Variants in VAPB observed in about 807,000 individuals in gnomAD.
The protein encoded by VAPB is VAMP associated protein B and C.
Under a neutral mutation model 25.6 loss-of-function variants are expected in VAPB, and 7 were observed. That is an observed-to-expected ratio of 0.27 (90% CI 0.16 to 0.51). The LOEUF (loss-of-function observed/expected upper bound fraction) is 0.51. Ranked by LOEUF, VAPB falls within the 20% of genes least tolerant of loss-of-function variation. The pLI is 0.97. For synonymous variants in VAPB, 112 were observed against 109.2 expected (o/e 1.03, Z -0.16); for missense variants, 266 against 301.3 (o/e 0.88, Z 0.87).
In VAPB at chr20:58,450,982, A is replaced by G. The variant is rs1479991410; in HGVS notation, c.*6747A>G. On this transcript the variant is annotated 3_prime_UTR_variant, in exon 6 of 6. Transcript: ENST00000475243. ...GGTCCAGACCAAAAGAGCCATTTAC[A>G]GCATGTTCTCCCATGTTCCATTATC... 2 of 454,008 alleles carry G rather than the reference A, an allele frequency of 4.4e-6. No individual in the cohort carries two copies. The highest frequency in any genetic ancestry group is 1.4e-4 in the East Asian group (2 of 14,414). The allele number at this position is 454,008 out of a possible 1,614,324, so 28.1% of individuals were successfully genotyped here. A position where few individuals can be genotyped will look rare whatever the true frequency, so the allele number is the denominator to read the frequency against.
chr20:58,415,307 T>A (rs1306624260), intron 1 of VAPB, among the ~76,000 whole-genome samples: 1 of 152,254 alleles, frequency 6.6e-6, no homozygotes, highest in African/African-American at 2.4e-5. Flanking sequence ...TTCAGTTCAT[T>A]AGTGCTGTTT....
chr20:58,441,669 A>C (rs1160213315), intron 5 of VAPB, among the ~76,000 whole-genome samples: 1 of 152,242 alleles, frequency 6.6e-6, no homozygotes, highest in Non-Finnish European at 1.5e-5. Flanking sequence ...AACCCCAAAC[A>C]ACTCAAACTC....
chr20:58,419,494 A>G (rs188464024), intron 2 of VAPB, among the ~76,000 whole-genome samples: 5 of 152,320 alleles, frequency 3.3e-5, no homozygotes, highest in Admixed American at 1.3e-4. Context: ...CTGGACCTGC[A>G]CATGTACTAT....
chr20:58,426,954 A>AGTGATCT (rs1008534200), intron 2 of VAPB, among the ~76,000 whole-genome samples: 1 of 152,218 alleles, frequency 6.6e-6, no homozygotes, highest in African/African-American at 2.4e-5. Context: ...TGCAGACGAA[A>AGTGATCT]GTGATCTGTG....
intron 1 of VAPB, among the ~76,000 whole-genome samples, chr20:58,407,799 T>C (rs1419427589): frequency 6.6e-6 from 1 of 152,220 alleles, no homozygotes; most frequent in East Asian, 1.9e-4. Flanking sequence ...ACAGATCTAG[T>C]TCATTCTTTT....
chr20:58,403,244 T>A (rs1197233989), intron 1 of VAPB, among the ~76,000 whole-genome samples: 2 of 152,214 alleles, frequency 1.3e-5, no homozygotes, highest in Non-Finnish European at 1.5e-5. Context: ...GGACTACCTC[T>A]TAGGTGTGTG....
At position 58,397,956 on chromosome 20, in the gene VAPB, G is replaced by A. The variant is rs548643362; in HGVS notation, c.58+8439G>A. Among the ~76,000 whole-genome samples, 17 of 152,292 alleles carry A rather than the reference G, an allele frequency of 1.1e-4. No individual in the cohort carries two copies. In the South Asian group the frequency reaches 3.1e-3, roughly 28 times the overall value. On this transcript the variant is annotated intron_variant, in intron 1 of 5. Coordinates refer to ENST00000475243, the MANE Select transcript of VAPB (RefSeq NM_004738.5). ...CAGGCATACGAATTGGATCAGAAAGGATTTAGAGACATGCATGGATATAAT... is the reference window on the plus strand; with the variant it reads ...CAGGCATACGAATTGGATCAGAAAGAATTTAGAGACATGCATGGATATAAT...
rs74182771 is a variant in VAPB at position 58,389,633 on chromosome 20, C to CG, written c.58+122dup. The CG allele has an allele frequency of 1.7e-5, 19 of 1,143,968 alleles. No homozygotes were observed. In the African/African-American group the frequency reaches 2.3e-4, roughly 14 times the overall value. 70.9% of individuals were successfully genotyped at this position (1,143,968 alleles called of 1,614,324 possible). A position where few individuals can be genotyped will look rare whatever the true frequency, so the allele number is the denominator to read the frequency against. On this transcript the variant is annotated intron_variant, in intron 1 of 5. Transcript: ENST00000475243. ...CGTCCCCACCCCGACGGCGCTGTCG[C>CG]GGGGGGCGGCGAGGCCGGGCCGGGC... is the stretch of plus-strand genomic sequence containing the variant.
At chr20:58,442,293 G>A (rs1479437130) in intron 5 of VAPB, among the ~76,000 whole-genome samples, 11 of 152,202 alleles carry the variant, frequency 7.2e-5, no homozygotes, top group Non-Finnish European at 1.3e-4. Context: ...TTAGTGTGTA[G>A]TAAATTGTGA....
intron 1 of VAPB, among the ~76,000 whole-genome samples, chr20:58,401,798 C>T (rs561491198): frequency 1.6e-3 from 244 of 152,310 alleles, no homozygotes; most frequent in Non-Finnish European, 2.6e-3. Context: ...GGCTGCAATA[C>T]GTTAAATGCA....
Position 58,389,527 on chromosome 20 carries a change from A to T in VAPB, c.58+10A>T. The T allele has an allele frequency of 6.3e-7, 1 of 1,577,082 alleles. No homozygotes were observed. The highest frequency in any genetic ancestry group is 8.6e-7 in the Non-Finnish European group (1 of 1,162,892). Reference sequence around the variant, plus strand: ...GAGCTCAAATTCCGAGGTAAGCCCCAGAGGCCGCCACCTTCCTGCCCGCGG... The same window carrying T: ...GAGCTCAAATTCCGAGGTAAGCCCCTGAGGCCGCCACCTTCCTGCCCGCGG... On this transcript the variant is annotated intron_variant, in intron 1 of 5. Transcript: ENST00000475243.
rs903973220 is a variant in VAPB, at chr20:58,446,215, C to T, written c.*1980C>T. On this transcript the variant is annotated 3_prime_UTR_variant, in exon 6 of 6. Coordinates refer to ENST00000475243, the MANE Select transcript of VAPB (RefSeq NM_004738.5). The stretch of plus-strand genomic sequence containing the variant: ...GTCTCCAGGATTTTTCCCATGTGTC[C>T]CCCAGTACTTATAAAAGGGAGTGAA... 11 of 453,934 alleles carry T rather than the reference C, an allele frequency of 2.4e-5. No individual in the cohort carries two copies. Among genetic ancestry groups the T allele is most frequent in the Non-Finnish European group, 4.4e-5 (10 of 226,790 alleles). The allele number at this position is 453,934 out of a possible 1,614,324, so 28.1% of individuals were successfully genotyped here.
At position 58,444,792 on chromosome 20, in the gene VAPB, G is replaced by A. The variant is rs771110894; in HGVS notation, c.*557G>A. ...GAATTGCACTGTGGCAGCATCAGAC[G>A]TACTCGTCATAAGTGAGAGGCGTGT... On this transcript the variant is annotated 3_prime_UTR_variant, in exon 6 of 6. Coordinates refer to ENST00000475243, the MANE Select transcript of VAPB (RefSeq NM_004738.5). 5 of 454,574 alleles carry A rather than the reference G, an allele frequency of 1.1e-5. No individual in the cohort carries two copies. Among genetic ancestry groups the A allele is most frequent in the South Asian group, 6.2e-5 (4 of 64,478 alleles). The allele number at this position is 454,574 out of a possible 1,614,324, so 28.2% of individuals were successfully genotyped here.
At chr20:58,425,876 T>C (rs1988772584) in intron 2 of VAPB, among the ~76,000 whole-genome samples, 1 of 152,152 alleles carries the variant, frequency 6.6e-6, no homozygotes, top group Admixed American at 6.5e-5. Flanking sequence ...AGAATTCTTA[T>C]TTAAATTTTA....
At position 58,444,802 on chromosome 20, in the gene VAPB, T is replaced by C. The variant is rs1484340917; in HGVS notation, c.*567T>C. 2 of 454,586 alleles carry C rather than the reference T, an allele frequency of 4.4e-6. No homozygotes were observed. Among genetic ancestry groups the C allele is most frequent in the African/African-American group, 2.0e-5 (1 of 50,146 alleles). The allele number at this position is 454,586 out of a possible 1,614,324, so 28.2% of individuals were successfully genotyped here. ...GTGGCAGCATCAGACGTACTCGTCA[T>C]AAGTGAGAGGCGTGTGTTGACTGAT... On this transcript the variant is annotated 3_prime_UTR_variant, in exon 6 of 6. Coordinates refer to ENST00000475243, the MANE Select transcript of VAPB (RefSeq NM_004738.5).
intron 3 of VAPB, among the ~76,000 whole-genome samples, chr20:58,437,877 G>A (rs1038421461): frequency 5.3e-5 from 8 of 152,172 alleles, no homozygotes; most frequent in African/African-American, 1.9e-4. Context: ...CTTGGTACCT[G>A]TGTTACAGTA....
chr20:58,398,925 G>A (rs1187538011), intron 1 of VAPB, among the ~76,000 whole-genome samples: 1 of 151,400 alleles, frequency 6.6e-6, no homozygotes, highest in Non-Finnish European at 1.5e-5. Flanking sequence ...GTGTGCCCTT[G>A]GCTTTCTTAT....
At chr20:58,413,767 G>T (rs1394596858) in intron 1 of VAPB, among the ~76,000 whole-genome samples, 1 of 151,008 alleles carries the variant, frequency 6.6e-6, no homozygotes, top group Non-Finnish European at 1.5e-5. Context: ...CGCTGGCCGG[G>T]CGGGGGGCTG....
At chr20:58,410,221 G>A (rs1988343617) in intron 1 of VAPB, among the ~76,000 whole-genome samples, 1 of 152,092 alleles carries the variant, frequency 6.6e-6, no homozygotes, top group South Asian at 2.1e-4. Flanking sequence ...ACATTGACAT[G>A]TCATTGTTAG....
Sources: gnomAD v4.1 joint callset for allele counts (sites outside exome capture counted in the v4.1 genomes callset) on GRCh38, gnomAD v4.1.1 for gene constraint, MANE v1.5 for transcripts, NCBI Gene and HGNC (gene_info 2026-07-23, HGNC 2026-07-21) for gene names.